Variants in DPH6 observed in about 807,000 individuals in gnomAD.
DPH6 encodes the protein diphthamine biosynthesis 6.
A neutral mutation model predicts 38.2 loss-of-function variants in DPH6; 33 were observed. The observed-to-expected ratio is 0.86, with a 90% confidence interval of 0.65 to 1.15. The LOEUF (loss-of-function observed/expected upper bound fraction) is 1.15, where lower values mean the gene tolerates loss of function less well. DPH6 is among the 50% of genes most tolerant of loss of function. The pLI is 0.00. For missense variants in DPH6, 325 were observed against 320.0 expected (o/e 1.02, Z -0.12); for synonymous variants, 108 against 103.0 (o/e 1.05, Z -0.30).
At chr15:35,529,115 A>G (rs145024745) in intron 3 of DPH6, among the ~76,000 whole-genome samples, 13 of 152,298 alleles carry the variant, frequency 8.5e-5, no homozygotes, top group African/African-American at 3.1e-4. Flanking sequence ...TCATCTGTCA[A>G]AATCCAAATA....
At chr15:35,206,342 C>T in the DPH6 span, among the ~76,000 whole-genome samples, 1 of 152,090 alleles carries the variant, frequency 6.6e-6, no homozygotes, top group African/African-American at 2.4e-5. Context: ...ACCTGAATCA[C>T]ATCATTATGT....
chr15:35,352,584 T>C (rs1454516391), intron 3 of DPH6, among the ~76,000 whole-genome samples: 1 of 152,244 alleles, frequency 6.6e-6, no homozygotes, highest in African/African-American at 2.4e-5. Context: ...TCCAGCTTCA[T>C]CCGTGTCCCT....
intron 3 of DPH6, among the ~76,000 whole-genome samples, chr15:35,317,996 A>G (rs1162948822): frequency 6.6e-6 from 1 of 152,080 alleles, no homozygotes; most frequent in Non-Finnish European, 1.5e-5. Flanking sequence ...TAAAGAAGAA[A>G]AAAAAAGGAG....
At chr15:35,269,083 G>C (rs1368012064) in intron 3 of DPH6, among the ~76,000 whole-genome samples, 1 of 152,070 alleles carries the variant, frequency 6.6e-6, no homozygotes. Flanking sequence ...CTGCTATTCA[G>C]ACTTATCCCC....
At chr15:35,237,837 A>C (rs748480236) in intron 3 of DPH6, 14 of 1,540,814 alleles carry the variant, frequency 9.1e-6, no homozygotes, top group Non-Finnish European at 1.2e-5. Flanking sequence ...GAGGAGGAGG[A>C]GGAGGATGAG....
At position 35,505,883 on chromosome 15, in the gene DPH6, C is replaced by T. The variant is rs568994889; in HGVS notation, c.312+32391G>A. Reference sequence around the variant, plus strand: ...ACTGTTGAAAATCAAGATTTTTTGCCTTATAGGTGGAACTCTAAGCAGAGA... The same window carrying T: ...ACTGTTGAAAATCAAGATTTTTTGCTTTATAGGTGGAACTCTAAGCAGAGA... On this transcript the variant is annotated intron_variant, in intron 3 of 8. Transcript: ENST00000256538. Among the ~76,000 whole-genome samples, 21 of 152,076 alleles carry T rather than the reference C, an allele frequency of 1.4e-4. 1 individual carries two copies. In the South Asian group the frequency reaches 4.4e-3, roughly 32 times the overall value.
At chr15:35,299,777 T>C (rs1427412059) in intron 3 of DPH6, among the ~76,000 whole-genome samples, 1 of 152,240 alleles carries the variant, frequency 6.6e-6, no homozygotes, top group Non-Finnish European at 1.5e-5. Context: ...TCTCGACTTA[T>C]TTTCTTCATA....
intron 3 of DPH6, among the ~76,000 whole-genome samples, chr15:35,233,293 G>A (rs1432677653): frequency 6.6e-6 from 1 of 152,108 alleles, no homozygotes; most frequent in Admixed American, 6.5e-5. Context: ...TAGGCAACAA[G>A]AGCAAAACTC....
At chr15:35,529,938 A>T (rs972679572) in intron 3 of DPH6, among the ~76,000 whole-genome samples, 4 of 152,188 alleles carry the variant, frequency 2.6e-5, no homozygotes, top group Admixed American at 2.6e-4. Flanking sequence ...TTTATCAATA[A>T]TATCATTTTT....
intron 3 of DPH6, chr15:35,365,870 AC>A (rs763846453): frequency 1.6e-4 from 155 of 985,128 alleles, no homozygotes; most frequent in Non-Finnish European, 1.8e-4. Flanking sequence ...ACAGCCCAGC[AC>A]CCATTCAAGC....
At chr15:35,366,892 G>A (rs1387006789), downstream of DPH6, among the ~76,000 whole-genome samples, 1 of 151,954 alleles carries the variant, frequency 6.6e-6, no homozygotes, top group Non-Finnish European at 1.5e-5. Flanking sequence ...TACATTTATA[G>A]TAGATTCCAT....
chr15:35,340,089 A>T (rs549208243), intron 3 of DPH6, among the ~76,000 whole-genome samples: 1 of 152,290 alleles, frequency 6.6e-6, no homozygotes, highest in South Asian at 2.1e-4. Context: ...TGTTTAGCAC[A>T]GTTAGATTTT....
At chr15:35,168,759 A>G in the DPH6 span, among the ~76,000 whole-genome samples, 2 of 152,142 alleles carry the variant, frequency 1.3e-5, no homozygotes, top group African/African-American at 2.4e-5. Context: ...AAGATGCAAA[A>G]AGGAAATACA....
intron 3 of DPH6, among the ~76,000 whole-genome samples, chr15:35,287,272 G>A (rs989638041): frequency 6.6e-6 from 1 of 152,114 alleles, no homozygotes; most frequent in Non-Finnish European, 1.5e-5. Context: ...AAAACAGTTT[G>A]TTTGAAAGCA....
chr15:35,200,731 A>G, the DPH6 span, among the ~76,000 whole-genome samples: 1 of 151,890 alleles, frequency 6.6e-6, no homozygotes, highest in Non-Finnish European at 1.5e-5. Flanking sequence ...TCATGGATTA[A>G]AAAAAGAAAA....
intron 3 of DPH6, among the ~76,000 whole-genome samples, chr15:35,533,901 C>T (rs139545183): frequency 2.0e-3 from 300 of 152,170 alleles, no homozygotes; most frequent in African/African-American, 6.8e-3. Flanking sequence ...CTAGGCCACA[C>T]TATCCTGAAC....
intron 3 of DPH6, chr15:35,519,746 T>C (rs1001331730): frequency 1.3e-4 from 20 of 152,404 alleles, no homozygotes; most frequent in African/African-American, 4.8e-4. Context: ...GCATCAGCTT[T>C]GAAGCTTTAC....
intron 5 of DPH6, among the ~76,000 whole-genome samples, chr15:35,436,327 G>A (rs918224799): frequency 1.5e-4 from 22 of 151,588 alleles, no homozygotes; most frequent in Admixed American, 5.9e-4. Flanking sequence ...TTAGCTGGGC[G>A]TGGTGGTGGG....
intron 3 of DPH6, among the ~76,000 whole-genome samples, chr15:35,479,688 T>C (rs1489317432): frequency 6.6e-6 from 1 of 152,108 alleles, no homozygotes; most frequent in Non-Finnish European, 1.5e-5. Flanking sequence ...TCCTCTCACA[T>C]CACAGGGTTT....
Sources: allele counts gnomAD v4.1 joint callset (sites outside exome capture counted in the v4.1 genomes callset), GRCh38; gene constraint gnomAD v4.1.1; transcripts MANE v1.5; gene names NCBI Gene and HGNC (gene_info 2026-07-23, HGNC 2026-07-21).